The following JAKMIP2 variants were observed in gnomAD, a reference collection of about 807,000 sequenced individuals.
JAKMIP2 encodes the protein janus kinase and microtubule interacting protein 2.
In JAKMIP2, 25 loss-of-function variants were observed where a neutral mutation model predicts 115.0. The observed-to-expected ratio is 0.22, with a 90% CI of 0.16 to 0.30. JAKMIP2 has a LOEUF of 0.30. Ranked by LOEUF, JAKMIP2 falls within the 10% of genes least tolerant of loss-of-function variation. The pLI, the probability that JAKMIP2 is intolerant of heterozygous loss-of-function variation, is 1.00. For synonymous variants in JAKMIP2, 334 were observed against 343.6 expected (o/e 0.97, Z 0.31); for missense variants, 642 against 957.6 (o/e 0.67, Z 4.35).
At chr5:147,760,485 A>G (rs1754895235) in intron 1 of JAKMIP2, among the ~76,000 whole-genome samples, 1 of 152,066 alleles carries the variant, frequency 6.6e-6, no homozygotes, top group South Asian at 2.1e-4. Context: ...TGTGGTCAAC[A>G]GTTTTATCTG....
chr5:147,742,207 G>A (rs1330707421), intron 1 of JAKMIP2, among the ~76,000 whole-genome samples: 2 of 136,046 alleles, frequency 1.5e-5, no homozygotes, highest in Non-Finnish European at 3.1e-5. Flanking sequence ...TGGGACTTTG[G>A]CTGGGTTGCA....
At chr5:147,599,923 C>A (rs1455731146) in intron 21 of JAKMIP2, among the ~76,000 whole-genome samples, 1 of 152,108 alleles carries the variant, frequency 6.6e-6, no homozygotes, top group Non-Finnish European at 1.5e-5. Flanking sequence ...TTACTTAGAA[C>A]AGCTCCCAGG....
intron 1 of JAKMIP2, among the ~76,000 whole-genome samples, chr5:147,725,889 G>A (rs1039522728): frequency 6.6e-6 from 1 of 152,126 alleles, no homozygotes; most frequent in Non-Finnish European, 1.5e-5. Context: ...GCATGTACAC[G>A]ATAACTGGAC....
At chr5:147,674,646 G>T (rs1342858066) in intron 1 of JAKMIP2, among the ~76,000 whole-genome samples, 4 of 152,196 alleles carry the variant, frequency 2.6e-5, no homozygotes, top group African/African-American at 9.7e-5. Context: ...GAGACTGACT[G>T]CTCACAACGA....
At chr5:147,761,064 T>C (rs770303075) in intron 1 of JAKMIP2, among the ~76,000 whole-genome samples, 4 of 152,108 alleles carry the variant, frequency 2.6e-5, no homozygotes, top group African/African-American at 4.8e-5. Context: ...ACAGGGTGAA[T>C]CTTCTTTCTT....
rs752189050 is a variant in JAKMIP2 at position 147,702,658 on chromosome 5, AAGAAAGAGAG to A, written c.-148-30714_-148-30705del. On this transcript the variant is annotated intron_variant, in intron 1 of 21. Transcript: ENST00000616793. ...AAAGAAAGAAAGAAAGAAAGAAAGA[AAGAAAGAGAG>A]AGAAAGAAAGAGAAAGAAAGAAAAG... Among the ~76,000 whole-genome samples, 878 of 111,120 alleles carry A rather than the reference AAGAAAGAGAG, an allele frequency of 7.9e-3. 27 individuals are homozygous for A. Among genetic ancestry groups the A allele is most frequent in the Middle Eastern group, 8.6e-3 (2 of 232 alleles). The allele number at this position is 111,120 out of a possible 152,430, so 72.9% of individuals were successfully genotyped here. A position where few individuals can be genotyped will look rare whatever the true frequency, so the allele number is the denominator to read the frequency against.
intron 1 of JAKMIP2, among the ~76,000 whole-genome samples, chr5:147,743,763 C>G (rs68048232): frequency 0.12 from 18,438 of 152,112 alleles, 1,642 homozygotes; most frequent in East Asian, 0.4. Context: ...TGTGAATTCT[C>G]CAGAGCTACC....
At chr5:147,678,302 AC>A (rs1206754856) in intron 1 of JAKMIP2, among the ~76,000 whole-genome samples, 1 of 151,710 alleles carries the variant, frequency 6.6e-6, no homozygotes, top group African/African-American at 2.4e-5. Context: ...ACGCCTGGCT[AC>A]CCCCTGGCCC....
intron 20 of JAKMIP2, among the ~76,000 whole-genome samples, chr5:147,609,163 T>C (rs1756181518): frequency 6.6e-6 from 1 of 152,226 alleles, no homozygotes; most frequent in Admixed American, 6.5e-5. Flanking sequence ...TTGGGGCATT[T>C]AGCCCATTTA....
intron 1 of JAKMIP2, among the ~76,000 whole-genome samples, chr5:147,776,256 G>A (rs932141115): frequency 1.1e-4 from 17 of 152,106 alleles, no homozygotes; most frequent in African/African-American, 3.6e-4. Flanking sequence ...CCCACATGTC[G>A]TGGGAGGGAC....
intron 20 of JAKMIP2, 112 bp downstream of exon 20, chr5:147,612,194 C>T (rs1313720411): frequency 2.5e-6 from 2 of 800,630 alleles, no homozygotes; most frequent in Non-Finnish European, 4.4e-6. Context: ...ACTATACCTG[C>T]CTCTGCAAGA....
intron 21 of JAKMIP2, among the ~76,000 whole-genome samples, chr5:147,594,667 C>T (rs1219707388): frequency 6.6e-6 from 1 of 152,102 alleles, no homozygotes; most frequent in African/African-American, 2.4e-5. Flanking sequence ...GGTGATGTGG[C>T]TTCTGACTTG....
At chr5:147,641,540 C>T (rs1364405119) in intron 8 of JAKMIP2, among the ~76,000 whole-genome samples, 168 bp downstream of exon 8, 2 of 152,090 alleles carry the variant, frequency 1.3e-5, no homozygotes, top group East Asian at 1.9e-4. Context: ...TTTTAGACTT[C>T]GAAGAAATGT....
At chr5:147,675,752 T>C (rs1759907728) in intron 1 of JAKMIP2, among the ~76,000 whole-genome samples, 2 of 151,514 alleles carry the variant, frequency 1.3e-5, no homozygotes, top group African/African-American at 4.8e-5. Flanking sequence ...TTGTCTGTTC[T>C]GGACATTTTG....
At chr5:147,698,740 C>T (rs10064517) in intron 1 of JAKMIP2, among the ~76,000 whole-genome samples, 2,395 of 152,282 alleles carry the variant, frequency 0.016, 61 homozygotes, top group African/African-American at 0.054. Flanking sequence ...CCTGAGGCCT[C>T]CCTAGCCATG....
chr5:147,676,261 G>T lies in JAKMIP2; in HGVS notation c.-148-4307C>A, dbSNP rs543509020. 7.2e-5 allele frequency among the ~76,000 whole-genome samples: 11 copies of T among 152,310 alleles called. 1 individual carries two copies. Among genetic ancestry groups the T allele is most frequent in the African/African-American group, 2.6e-4 (11 of 41,586 alleles). On this transcript the variant is annotated intron_variant, in intron 1 of 21. Coordinates refer to ENST00000616793, the MANE Select transcript of JAKMIP2 (RefSeq NM_001270941.2). ...TGAGGCAGGAGAATGGCGTGAACCC[G>T]GGAGGCGGAGCTTGCAGTGAGCCAA...
intron 3 of JAKMIP2, among the ~76,000 whole-genome samples, chr5:147,659,275 G>C (rs1758837853): frequency 6.6e-6 from 1 of 152,154 alleles, no homozygotes; most frequent in Non-Finnish European, 1.5e-5. Context: ...GCTTCCCTTT[G>C]CTGGAGGAAG....
chr5:147,696,491 C>T (rs1752113642), intron 1 of JAKMIP2, among the ~76,000 whole-genome samples: 1 of 152,192 alleles, frequency 6.6e-6, no homozygotes, highest in Admixed American at 6.5e-5. Context: ...TCATGCAGAA[C>T]TGTGAGTCAA....
At chr5:147,644,714 A>T in intron 6 of JAKMIP2, 136 bp downstream of exon 6, 1 of 739,642 alleles carries the variant, frequency 1.4e-6, no homozygotes, top group Non-Finnish European at 2.1e-6. Flanking sequence ...TTTCTTCATT[A>T]AGGCTTCCTT....
Sources: allele counts gnomAD v4.1 joint callset (sites outside exome capture counted in the v4.1 genomes callset), GRCh38; gene constraint gnomAD v4.1.1; transcripts MANE v1.5; gene names NCBI Gene and HGNC (gene_info 2026-07-23, HGNC 2026-07-21).